Variants in ANO3 observed in about 807,000 individuals in gnomAD.
ANO3 encodes anoctamin-3.
In ANO3, 99 loss-of-function variants were observed where a neutral mutation model predicts 144.8. That is an observed-to-expected ratio of 0.68 (90% CI 0.58 to 0.81). The LOEUF (loss-of-function observed/expected upper bound fraction) is 0.81, where lower values mean the gene tolerates loss of function less well. Ranked by LOEUF, ANO3 falls within the 30% of genes least tolerant of loss-of-function variation. The pLI is 0.00. For synonymous variants in ANO3, 414 were observed against 392.6 expected, an observed-to-expected ratio of 1.05 and a Z score of -0.64; for missense variants, 905 against 1,202.2, an observed-to-expected ratio of 0.75 and a Z score of 3.66.
At chr11:26,635,673 A>G (rs1852934664) in intron 20 of ANO3, among the ~76,000 whole-genome samples, 1 of 152,208 alleles carries the variant, frequency 6.6e-6, no homozygotes, top group Non-Finnish European at 1.5e-5. Flanking sequence ...TACCAATCTA[A>G]TAGCCAGTGA....
rs61094091 is a variant in ANO3 at position 26,383,888 on chromosome 11, C to CTTTTTTTTTTTTT, written c.46+51582_46+51594dup. On this transcript the variant is annotated intron_variant, in intron 1 of 26. Coordinates refer to ENST00000256737, the MANE Select transcript of ANO3 (RefSeq NM_031418.4). ...CATTGTTCTTGTGCCATGCATTGTT[C>CTTTTTTTTTTTTT]TTTTTTTTTTTTTTTTTTTTTTTTT... Among the ~76,000 whole-genome samples the CTTTTTTTTTTTTT allele has an allele frequency of 5.7e-5, 4 of 70,148 alleles. 1 individual carries two copies. The highest frequency in any genetic ancestry group is 9.9e-5 in the Non-Finnish European group (4 of 40,360). The allele number at this position is 70,148 out of a possible 152,430, so 46.0% of individuals were successfully genotyped here.
chr11:26,349,319 G>C (rs1314094684), intron 1 of ANO3, among the ~76,000 whole-genome samples: 1 of 152,056 alleles, frequency 6.6e-6, no homozygotes, highest in Non-Finnish European at 1.5e-5. Flanking sequence ...AGTAAAAACA[G>C]GTAATTTAAA....
At chr11:26,607,523 C>A (rs1054912281) in intron 17 of ANO3, among the ~76,000 whole-genome samples, 1 of 152,214 alleles carries the variant, frequency 6.6e-6, no homozygotes, top group Admixed American at 6.5e-5. Context: ...CCTTTTCATT[C>A]TTTTTTCTCT....
chr11:26,375,431 A>C (rs567507591), intron 1 of ANO3, among the ~76,000 whole-genome samples: 1 of 152,310 alleles, frequency 6.6e-6, no homozygotes, highest in South Asian at 2.1e-4. Context: ...ATAGTTATAC[A>C]AATGTCCAGA....
intron 3 of ANO3, among the ~76,000 whole-genome samples, chr11:26,461,952 C>T (rs569229186): frequency 1.3e-5 from 2 of 152,012 alleles, no homozygotes; most frequent in African/African-American, 4.8e-5. Flanking sequence ...CCACTAAAAG[C>T]TTAGAGCTTC....
chr11:26,576,023 A>C (rs1178001870), intron 14 of ANO3, among the ~76,000 whole-genome samples: 1 of 152,216 alleles, frequency 6.6e-6, no homozygotes, highest in Admixed American at 6.5e-5. Flanking sequence ...TAGCAGAAAG[A>C]CTTTGTCGCT....
intron 1 of ANO3, among the ~76,000 whole-genome samples, chr11:26,321,923 A>G (rs1236747432): frequency 6.6e-6 from 1 of 152,026 alleles, no homozygotes; most frequent in Non-Finnish European, 1.5e-5. Flanking sequence ...CTATACTTTC[A>G]GTGTTTATTC....
chr11:26,207,177 T>C (rs1426463267), intron 1 of ANO3, among the ~76,000 whole-genome samples: 1 of 152,142 alleles, frequency 6.6e-6, no homozygotes, highest in African/African-American at 2.4e-5. Context: ...AAAAATTTGC[T>C]AATAGGGTAT....
At chr11:26,340,931 G>A (rs186729574) in intron 1 of ANO3, among the ~76,000 whole-genome samples, 4 of 152,202 alleles carry the variant, frequency 2.6e-5, no homozygotes, top group Admixed American at 6.5e-5. Flanking sequence ...TAGACTTGTA[G>A]GGGAGAATTT....
intron 18 of ANO3, among the ~76,000 whole-genome samples, chr11:26,629,831 A>T (rs887782155): frequency 2.0e-5 from 3 of 151,572 alleles, no homozygotes; most frequent in African/African-American, 7.2e-5. Context: ...GGGTTTCTCC[A>T]TGTTAGTCAG....
intron 4 of ANO3, among the ~76,000 whole-genome samples, chr11:26,492,693 A>G (rs1860758747): frequency 6.6e-6 from 1 of 152,200 alleles, no homozygotes; most frequent in Non-Finnish European, 1.5e-5. Context: ...TTTTGAGGCC[A>G]TTTCTGTTTT....
intron 4 of ANO3, among the ~76,000 whole-genome samples, chr11:26,506,522 G>T (rs1042709886): frequency 6.6e-6 from 1 of 152,134 alleles, no homozygotes; most frequent in South Asian, 2.1e-4. Flanking sequence ...GAACTACAAG[G>T]CCCTGGTGGC....
At chr11:26,334,393 G>A (rs1290265802) in intron 1 of ANO3, among the ~76,000 whole-genome samples, 1 of 152,200 alleles carries the variant, frequency 6.6e-6, no homozygotes, top group Non-Finnish European at 1.5e-5. Flanking sequence ...TAATTCTCTA[G>A]ATGTGATCTG....
intron 1 of ANO3, among the ~76,000 whole-genome samples, chr11:26,393,806 T>C (rs1590322923): frequency 6.6e-6 from 1 of 152,180 alleles, no homozygotes; most frequent in East Asian, 1.9e-4. Flanking sequence ...AAAGTTGTTT[T>C]GAAAACTTCA....
chr11:26,323,269 G>T (rs1323300209), intron 1 of ANO3, among the ~76,000 whole-genome samples: 1 of 152,056 alleles, frequency 6.6e-6, no homozygotes, highest in Non-Finnish European at 1.5e-5. Flanking sequence ...GGTGCTATTA[G>T]GGTCTTGTTT....
intron 1 of ANO3, among the ~76,000 whole-genome samples, chr11:26,390,255 T>G (rs1304534442): frequency 6.6e-6 from 1 of 152,150 alleles, no homozygotes; most frequent in Non-Finnish European, 1.5e-5. Context: ...AATATTTCTT[T>G]TGTATTGGAT....
intron 4 of ANO3, among the ~76,000 whole-genome samples, chr11:26,491,168 G>A (rs1023238384): frequency 2.6e-5 from 4 of 152,088 alleles, no homozygotes; most frequent in African/African-American, 9.7e-5. Context: ...TCTTACAAGG[G>A]TATTATGGAA....
intron 1 of ANO3, among the ~76,000 whole-genome samples, chr11:26,209,971 C>A (rs921883410): frequency 6.6e-6 from 1 of 152,108 alleles, no homozygotes; most frequent in Non-Finnish European, 1.5e-5. Flanking sequence ...TTTTGCTGTG[C>A]AGAAGCTCTT....
chr11:26,303,280 A>C (rs1227422480), intron 1 of ANO3, among the ~76,000 whole-genome samples: 1 of 152,208 alleles, frequency 6.6e-6, no homozygotes, highest in African/African-American at 2.4e-5. Flanking sequence ...TGGAAATGAC[A>C]TGAGATCAAC....
Sources: allele counts gnomAD v4.1 joint callset (sites outside exome capture counted in the v4.1 genomes callset), GRCh38; gene constraint gnomAD v4.1.1; transcripts MANE v1.5; gene names NCBI Gene and HGNC (gene_info 2026-07-23, HGNC 2026-07-21).